USP49: variants seen among roughly 807,000 people sequenced by gnomAD.
USP49 encodes the protein ubiquitin specific peptidase 49.
In USP49, 24 loss-of-function variants were observed where a neutral mutation model predicts 58.6. The observed-to-expected ratio is 0.41, with a 90% CI of 0.30 to 0.58. The LOEUF (loss-of-function observed/expected upper bound fraction) is 0.58, where lower values mean the gene tolerates loss of function less well. USP49 is among the 20% of genes least tolerant of loss of function. The pLI is 0.30. For missense variants in USP49, 703 were observed against 866.1 expected (o/e 0.81, Z 2.36); for synonymous variants, 408 against 365.1 (o/e 1.12, Z -1.34).
intron 2 of USP49, among the ~76,000 whole-genome samples, chr6:41,877,775 G>A (rs1030379183): frequency 1.2e-4 from 19 of 152,130 alleles, no homozygotes; most frequent in African/African-American, 4.6e-4. Context: ...TGTCCAAGCT[G>A]GTCTTGAACT....
intron 3 of USP49, among the ~76,000 whole-genome samples, chr6:41,809,434 C>T (rs900229808): frequency 7.3e-5 from 11 of 149,892 alleles, no homozygotes; most frequent in African/African-American, 1.5e-4. Context: ...CTGAGGCAGG[C>T]GAATCGCTAG....
In USP49 at chr6:41,835,541, G is replaced by A. The variant is rs886709367; in HGVS notation, c.-28-28530C>T. ...ATCCTGGCCAACATGGTGAAACCCC[G>A]TCTCTACAAAAAAATACAAAAAATT... is the stretch of plus-strand genomic sequence containing the variant. On this transcript the variant is annotated intron_variant, in intron 3 of 7. Transcript: ENST00000682992. Among the ~76,000 whole-genome samples the A allele has an allele frequency of 8.1e-4, 123 of 151,636 alleles. 1 individual carries two copies. Among genetic ancestry groups the A allele is most frequent in the Admixed American group, 5.9e-4 (9 of 15,206 alleles).
chr6:41,867,800 G>A (rs904051603), intron 3 of USP49, among the ~76,000 whole-genome samples: 22 of 152,048 alleles, frequency 1.4e-4, no homozygotes, highest in East Asian at 5.8e-4. Context: ...AAAATATGTC[G>A]TTCTTTAGCT....
intron 2 of USP49, among the ~76,000 whole-genome samples, chr6:41,883,285 T>TG (rs1774645750): frequency 7.2e-6 from 1 of 138,184 alleles, no homozygotes; most frequent in African/African-American, 2.8e-5. Flanking sequence ...ACCCAGGAGA[T>TG]GGAGGTTGAA....
At chr6:41,798,236 T>G (rs1772924493) in intron 7 of USP49, 1 of 171,748 alleles carries the variant, frequency 5.8e-6, no homozygotes, top group African/African-American at 2.4e-5. Context: ...ATGTTGTTAC[T>G]TAGTAATATA....
intron 5 of USP49, among the ~76,000 whole-genome samples, chr6:41,802,407 T>TTTATTTTATTTTA (rs1313279388): frequency 1.3e-5 from 1 of 76,088 alleles, no homozygotes; most frequent in African/African-American, 4.1e-5. Flanking sequence ...TTTATTTTAT[T>TTTATTTTATTTTA]TTTTATTTTA....
At chr6:41,843,183 G>C (rs1773857753) in intron 3 of USP49, among the ~76,000 whole-genome samples, 1 of 152,162 alleles carries the variant, frequency 6.6e-6, no homozygotes, top group African/African-American at 2.4e-5. Flanking sequence ...CTAAGTATGT[G>C]TCTTCTTATC....
chr6:41,851,952 C>CAAAAAAAAAAA (rs67716441), intron 3 of USP49, among the ~76,000 whole-genome samples: 30 of 54,874 alleles, frequency 5.5e-4, no homozygotes, highest in Non-Finnish European at 7.6e-4. Context: ...AGACTCGTCT[C>CAAAAAAAAAAA]AAAAAAAAAA....
intron 3 of USP49, chr6:41,869,798 CT>C (rs1164361172): frequency 6.6e-6 from 1 of 151,986 alleles, no homozygotes; most frequent in African/African-American, 2.4e-5. Flanking sequence ...TTTGACATAG[CT>C]ATCTAGAAAC....
chr6:41,856,480 T>C (rs2395789), intron 3 of USP49, among the ~76,000 whole-genome samples: 1,948 of 152,310 alleles, frequency 0.013, 24 homozygotes, highest in South Asian at 0.053. Context: ...AAATAGCTGC[T>C]GTGTTGTAAG....
rs561421491 is a variant in USP49, at chr6:41,875,878, C to T, written c.-102-4241G>A. Among the ~76,000 whole-genome samples the T allele has an allele frequency of 5.9e-5, 9 of 152,050 alleles. No homozygotes were observed. In the South Asian group the frequency reaches 1.7e-3, roughly 28 times the overall value. ...TCCTGAGTAGCTGGGATTACAGGCA[C>T]GCACCACCACACCCGGCTAATTTTT... On this transcript the variant is annotated intron_variant, in intron 2 of 7. Coordinates refer to ENST00000682992, the MANE Select transcript of USP49 (RefSeq NM_001286554.2).
intron 3 of USP49, among the ~76,000 whole-genome samples, chr6:41,808,213 A>G (rs1047840689): frequency 1.3e-5 from 2 of 152,204 alleles, no homozygotes; most frequent in African/African-American, 2.4e-5. Flanking sequence ...GGCTACTGGT[A>G]TAATATTTAA....
Position 41,806,972 on chromosome 6 carries a change from G to C in USP49, c.12C>G (p.Cys4Trp). The C allele has an allele frequency of 6.3e-7, 1 of 1,593,034 alleles. No individual in the cohort carries two copies. Among genetic ancestry groups the C allele is most frequent in the Non-Finnish European group, 8.6e-7 (1 of 1,165,794 alleles). Residue 4 changes from cysteine (C) to tryptophan (W), a missense_variant, in exon 4 of 8, where the codon TGC becomes TGG. By Grantham distance (215) the Cys-to-Trp change is radical. Coordinates refer to ENST00000682992, the MANE Select transcript of USP49 (RefSeq NM_001286554.2). This position sits in a 1 kb window ranked among gnomAD's most constrained non-coding sequence, Gnocchi z 5.9. ...CGAGCCGTAACCGCCCTACATGTTT[G>C]CATCTATCCATGTCTTATAGAAGTC... MDR[C>W]KHVGRLRLAQ...
rs924941036 is a variant in USP49, at chr6:41,852,676, A to C, written c.-29+18888T>G. Reference sequence around the variant, plus strand: ...AAAAGCAATATACAGATTCGATGCAAGCCCTATCAAAATCCCAGCAGCAAT... The same window carrying C: ...AAAAGCAATATACAGATTCGATGCACGCCCTATCAAAATCCCAGCAGCAAT... On this transcript the variant is annotated intron_variant, in intron 3 of 7. Coordinates refer to ENST00000682992, the MANE Select transcript of USP49 (RefSeq NM_001286554.2). Among the ~76,000 whole-genome samples, 3 of 152,202 alleles carry C rather than the reference A, an allele frequency of 2.0e-5. No individual in the cohort carries two copies. The East Asian group carries it at 5.8e-4, about 29-fold the overall frequency.
At chr6:41,805,331 T>A (rs1773090091) in intron 4 of USP49, among the ~76,000 whole-genome samples, 1 of 152,170 alleles carries the variant, frequency 6.6e-6, no homozygotes, top group African/African-American at 2.4e-5. Flanking sequence ...GGGTACTTAA[T>A]TATAACAATG....
intron 5 of USP49, among the ~76,000 whole-genome samples, chr6:41,802,428 T>A (rs1246919870): frequency 9.4e-6 from 1 of 106,432 alleles, no homozygotes; most frequent in African/African-American, 3.5e-5. Flanking sequence ...TTTTATTTTA[T>A]TTTATTTATT....
In USP49 at chr6:41,872,088, C is replaced by T. The variant is rs1774420442; in HGVS notation, c.-102-451G>A. Among the ~76,000 whole-genome samples, 3 of 152,188 alleles carry T rather than the reference C, an allele frequency of 2.0e-5. No individual in the cohort carries two copies. The South Asian group carries it at 6.2e-4, about 31-fold the overall frequency. ...TCTTTTGTGCTAAGTGGGTTTATGA[C>T]CTATATGTAAGCGGCATGCTTCTTT... On this transcript the variant is annotated intron_variant, in intron 2 of 7. Coordinates refer to ENST00000682992, the MANE Select transcript of USP49 (RefSeq NM_001286554.2).
intron 2 of USP49, among the ~76,000 whole-genome samples, chr6:41,886,961 A>C (rs1378542254): frequency 1.3e-5 from 2 of 152,218 alleles, no homozygotes; most frequent in Non-Finnish European, 2.9e-5. Flanking sequence ...ACTACAATGT[A>C]TATCTACAAA....
In USP49 at chr6:41,796,445, C is replaced by A. The variant is rs1040045394; in HGVS notation, c.*88G>T. Reference sequence around the variant, plus strand: ...GACCCAGCAAGGCAAACCTAGTAATCTGTTCCTGCAGTAGCCTTATTTCCT... The same window carrying A: ...GACCCAGCAAGGCAAACCTAGTAATATGTTCCTGCAGTAGCCTTATTTCCT... On this transcript the variant is annotated 3_prime_UTR_variant, in exon 8 of 8. Transcript: ENST00000682992. 1.2e-5 allele frequency: 8 copies of A among 642,844 alleles called. No homozygotes were observed. The Admixed American group carries it at 2.0e-4, about 16-fold the overall frequency. 39.8% of individuals were successfully genotyped at this position (642,844 alleles called of 1,614,324 possible).
Sources: allele counts gnomAD v4.1 joint callset (sites outside exome capture counted in the v4.1 genomes callset), GRCh38; gene constraint gnomAD v4.1.1; non-coding constraint Gnocchi (gnomAD v3.1); transcripts MANE v1.5; gene names NCBI Gene and HGNC (gene_info 2026-07-23, HGNC 2026-07-21).